TRIO: variants seen among roughly 807,000 people sequenced by gnomAD.
The protein encoded by TRIO is triple functional domain protein.
TRIO carries 58 observed loss-of-function variants against 351.9 expected under a neutral mutation model. The ratio of observed to expected loss-of-function variants is 0.16; its 90% CI spans 0.13 to 0.21. The LOEUF (loss-of-function observed/expected upper bound fraction) is 0.21. Ranked by LOEUF, TRIO falls within the 10% of genes least tolerant of loss-of-function variation. The pLI, the probability that TRIO is intolerant of heterozygous loss-of-function variation, is 1.00. For missense variants in TRIO, 3,201 were observed against 4,027.8 expected, an observed-to-expected ratio of 0.79 and a Z score of 5.56; for synonymous variants, 1,758 against 1,595.7, an observed-to-expected ratio of 1.10 and a Z score of -2.42.
At chr5:14,491,318 C>T (rs1756465103) in intron 48 of TRIO, among the ~76,000 whole-genome samples, 1 of 152,204 alleles carries the variant, frequency 6.6e-6, no homozygotes, top group Non-Finnish European at 1.5e-5. Context: ...TGCATCTGCA[C>T]TGACCCAGGA....
chr5:14,433,362 CT>C (rs1359261784), intron 34 of TRIO, among the ~76,000 whole-genome samples: 1 of 152,164 alleles, frequency 6.6e-6, no homozygotes, highest in Non-Finnish European at 1.5e-5. Flanking sequence ...TTCGTCATCC[CT>C]TTCCCTCCAG....
chr5:14,220,550 T>C (rs914454405), intron 1 of TRIO, among the ~76,000 whole-genome samples: 1 of 152,204 alleles, frequency 6.6e-6, no homozygotes. Flanking sequence ...GCTAGGCCTC[T>C]TGTGCCAAAC....
intron 16 of TRIO, among the ~76,000 whole-genome samples, chr5:14,368,430 A>G (rs929417620): frequency 7.2e-5 from 11 of 152,166 alleles, no homozygotes; most frequent in Non-Finnish European, 1.5e-4. Flanking sequence ...CTTTCCTGCT[A>G]TTTCTCAGAC....
intron 1 of TRIO, among the ~76,000 whole-genome samples, chr5:14,178,122 C>T (rs1561168373): frequency 6.6e-6 from 1 of 152,118 alleles, no homozygotes; most frequent in Admixed American, 6.5e-5. Flanking sequence ...AACCATTCTT[C>T]CCTAAAAATA....
intron 26 of TRIO, chr5:14,390,620 G>C: frequency 1.9e-6 from 1 of 532,532 alleles, no homozygotes; most frequent in Non-Finnish European, 3.3e-6. Flanking sequence ...ACAGGTGAAC[G>C]TGCGGTCATG....
intron 9 of TRIO, among the ~76,000 whole-genome samples, chr5:14,320,010 G>T (rs539623976): frequency 7.2e-5 from 11 of 152,296 alleles, no homozygotes; most frequent in African/African-American, 2.6e-4. Context: ...AGCTGGGCGG[G>T]GAATTGGGAA....
chr5:14,498,962 T>C, intron 53 of TRIO: 1 of 283,706 alleles, frequency 3.5e-6, no homozygotes, highest in Non-Finnish European at 6.9e-6. Flanking sequence ...GCTTCTGAGT[T>C]GGAGCAGGGT....
chr5:14,341,644 T>C (rs1741950773), intron 11 of TRIO, among the ~76,000 whole-genome samples: 1 of 152,274 alleles, frequency 6.6e-6, no homozygotes, highest in Admixed American at 6.5e-5. Context: ...TTCATTCATA[T>C]TCATTCAACT....
chr5:14,498,453 A>C (rs1757045707), intron 52 of TRIO, 66 bp from the exon 53 acceptor site: 5 of 1,565,296 alleles, frequency 3.2e-6, no homozygotes, highest in East Asian at 2.3e-5. Context: ...CTGAAGGAGG[A>C]GGCCAGCGCT....
chr5:14,334,362 G>A (rs1172574918), intron 10 of TRIO, among the ~76,000 whole-genome samples: 1 of 152,214 alleles, frequency 6.6e-6, no homozygotes, highest in Non-Finnish European at 1.5e-5. Flanking sequence ...GCTGTCTCAT[G>A]TTCTTCAAGC....
At chr5:14,439,472 T>G (rs1751855187) in intron 34 of TRIO, among the ~76,000 whole-genome samples, 1 of 152,246 alleles carries the variant, frequency 6.6e-6, no homozygotes, top group Non-Finnish European at 1.5e-5. Context: ...TTTTTTAGTT[T>G]TTAAATTAAT....
At chr5:14,183,132 C>T (rs1486762598) in intron 1 of TRIO, among the ~76,000 whole-genome samples, 2 of 152,078 alleles carry the variant, frequency 1.3e-5, no homozygotes, top group Non-Finnish European at 2.9e-5. Context: ...TTCCTTCTGG[C>T]CTCCTGGGGC....
At chr5:14,322,818 G>T (rs1227203768) in intron 9 of TRIO, among the ~76,000 whole-genome samples, 1 of 152,212 alleles carries the variant, frequency 6.6e-6, no homozygotes, top group Non-Finnish European at 1.5e-5. Flanking sequence ...AATGGCTACA[G>T]GATTGCCATC....
At chr5:14,471,855 C>T (rs1192029079) in intron 38 of TRIO, among the ~76,000 whole-genome samples, 2 of 151,792 alleles carry the variant, frequency 1.3e-5, no homozygotes, top group Non-Finnish European at 2.9e-5. Flanking sequence ...GCCAGTAAAG[C>T]AGCATATGGT....
chr5:14,490,429 C>A (rs960334881), intron 48 of TRIO, among the ~76,000 whole-genome samples: 5 of 152,260 alleles, frequency 3.3e-5, no homozygotes. Context: ...TTTAGATGAG[C>A]AGCTTCTGCA....
intron 1 of TRIO, among the ~76,000 whole-genome samples, chr5:14,235,418 C>A (rs1793705698): frequency 6.6e-6 from 1 of 152,144 alleles, no homozygotes. Context: ...TGTATTTTCT[C>A]TAGTAAGTCT....
At chr5:14,295,105 T>G (rs904583994) in intron 6 of TRIO, among the ~76,000 whole-genome samples, 1 of 152,222 alleles carries the variant, frequency 6.6e-6, no homozygotes, top group Non-Finnish European at 1.5e-5. Flanking sequence ...CCCTTGTATC[T>G]GTGGCATTTA....
rs191048750 is a variant in TRIO at position 14,412,872 on chromosome 5, A to G, written c.4959+6200A>G. 3.3e-5 allele frequency among the ~76,000 whole-genome samples: 5 copies of G among 152,350 alleles called. No individual in the cohort carries two copies. The East Asian group carries it at 9.6e-4, about 29-fold the overall frequency. On this transcript the variant is annotated intron_variant, in intron 33 of 56. Coordinates refer to ENST00000344204, the MANE Select transcript of TRIO (RefSeq NM_007118.4). ...CAAAAGCGAGGATGTACCCACCAGC[A>G]AACCTCTGGCCTCTGCCTCAGCAGC...
chr5:14,410,448 C>T (rs985666131), intron 33 of TRIO, among the ~76,000 whole-genome samples: 16 of 152,210 alleles, frequency 1.1e-4, no homozygotes, highest in African/African-American at 3.9e-4. Flanking sequence ...CTGAACTAGG[C>T]TTAACCAGCA....
Sources: gnomAD v4.1 joint callset for allele counts (sites outside exome capture counted in the v4.1 genomes callset) on GRCh38, gnomAD v4.1.1 for gene constraint, MANE v1.5 for transcripts, NCBI Gene and HGNC (gene_info 2026-07-23, HGNC 2026-07-21) for gene names.